The following KIF6 variants were observed in gnomAD, a reference collection of about 807,000 sequenced individuals.
KIF6 encodes kinesin family member 6, also known as kinesin-like protein KIF6.
Under a neutral mutation model 112.7 loss-of-function variants are expected in KIF6, and 106 were observed. The observed-to-expected ratio is 0.94, with a 90% CI of 0.80 to 1.11. KIF6 has a LOEUF of 1.11. Among genes scored for constraint, KIF6 ranks in the 50% least tolerant of loss-of-function variants. The probability of loss-of-function intolerance (pLI) is 0.00; values close to 1 mark genes in which losing one functional copy is unlikely to be tolerated. For missense variants in KIF6, 929 were observed against 964.0 expected, an observed-to-expected ratio of 0.96 and a Z score of 0.48; for synonymous variants, 339 against 339.9, an observed-to-expected ratio of 1.00 and a Z score of 0.03.
At chr6:39,466,773 T>C (rs1042779897) in intron 13 of KIF6, among the ~76,000 whole-genome samples, 1 of 152,140 alleles carries the variant, frequency 6.6e-6, no homozygotes, top group Non-Finnish European at 1.5e-5. Flanking sequence ...AAATGAGAGA[T>C]CTGGGGCTTC....
At chr6:39,598,143 T>C (rs1400882663) in intron 6 of KIF6, among the ~76,000 whole-genome samples, 1 of 152,108 alleles carries the variant, frequency 6.6e-6, no homozygotes, top group East Asian at 1.9e-4. Context: ...GCCAAGATAA[T>C]GCCACTGCAT....
Position 39,714,694 on chromosome 6 carries a change from C to G in KIF6, c.249G>C (p.Gly83=). ...VFENIAKPVA[G]SVLAGYNGTI... is the part of the protein sequence containing the mutation. ...GAACAAAATATGGGAAATCCTACCT[C>G]CCAGCAACTGGTTTGGCAATGTTTT... The change falls in exon 3 of 23, where the codon GGG becomes GGC. Residue 83 remains glycine (G), a splice_region_variant and synonymous_variant. Coordinates refer to ENST00000287152, the MANE Select transcript of KIF6 (RefSeq NM_145027.6). The G allele has an allele frequency of 6.2e-7, 1 of 1,612,884 alleles. No homozygotes were observed. Among genetic ancestry groups the G allele is most frequent in the South Asian group, 1.1e-5 (1 of 90,970 alleles).
At chr6:39,623,609 A>G (rs1410918570) in intron 5 of KIF6, among the ~76,000 whole-genome samples, 1 of 152,204 alleles carries the variant, frequency 6.6e-6, no homozygotes, top group Non-Finnish European at 1.5e-5. Flanking sequence ...GGTAAATACT[A>G]ATAGATAATA....
chr6:39,630,057 T>C (rs1224877167), intron 5 of KIF6, among the ~76,000 whole-genome samples: 1 of 152,084 alleles, frequency 6.6e-6, no homozygotes, highest in Admixed American at 6.6e-5. Context: ...GTCAGTTCTC[T>C]TGCCATTACC....
At chr6:39,414,125 GAATAT>G (rs1443314060) in intron 15 of KIF6, among the ~76,000 whole-genome samples, 1 of 152,106 alleles carries the variant, frequency 6.6e-6, no homozygotes, top group African/African-American at 2.4e-5. Context: ...TTACTTTTGA[GAATAT>G]AATATTTTTT....
At position 39,337,825 on chromosome 6, in the gene KIF6, T is replaced by A. The variant is rs1763115034; in HGVS notation, c.2429-1277A>T. Among the ~76,000 whole-genome samples, 6 of 152,312 alleles carry A rather than the reference T, an allele frequency of 3.9e-5. 1 individual carries two copies. The highest frequency in any genetic ancestry group is 3.9e-4 in the Admixed American group (6 of 15,312). On this transcript the variant is annotated intron_variant, in intron 22 of 22. Coordinates refer to ENST00000287152, the MANE Select transcript of KIF6 (RefSeq NM_145027.6). Reference sequence around the variant, plus strand: ...CAGTCCCCAACCCACGGTGTGACTTTGGGCAAGTCATGTCAGTTCTCTGGG... The same window carrying A: ...CAGTCCCCAACCCACGGTGTGACTTAGGGCAAGTCATGTCAGTTCTCTGGG...
chr6:39,698,994 C>A (rs764829419), intron 3 of KIF6, among the ~76,000 whole-genome samples: 26 of 152,176 alleles, frequency 1.7e-4, no homozygotes, highest in Non-Finnish European at 3.8e-4. Flanking sequence ...TTTTGGCTTG[C>A]GTAGCAGCTG....
At chr6:39,517,274 C>T (rs1167194090) in intron 13 of KIF6, among the ~76,000 whole-genome samples, 1 of 152,136 alleles carries the variant, frequency 6.6e-6, no homozygotes, top group East Asian at 1.9e-4. Context: ...GGGCAGAGCA[C>T]CCCCAGCTCC....
At chr6:39,424,265 A>G (rs1426556364) in intron 14 of KIF6, among the ~76,000 whole-genome samples, 1 of 152,198 alleles carries the variant, frequency 6.6e-6, no homozygotes, top group Non-Finnish European at 1.5e-5. Context: ...TCCTCTGGAT[A>G]GCATTCCAGG....
rs543397658 is a variant in KIF6, at chr6:39,665,320, T to C, written c.252-25563A>G. On this transcript the variant is annotated intron_variant, in intron 3 of 22. Coordinates refer to ENST00000287152, the MANE Select transcript of KIF6 (RefSeq NM_145027.6). ...GGAAGTTACAATGTTTTTGCATACA[T>C]GCACAATGCTTACACACAAAGTCAA... Among the ~76,000 whole-genome samples the C allele has an allele frequency of 2.6e-5, 4 of 152,310 alleles. No homozygotes were observed. The East Asian group carries it at 7.7e-4, about 29-fold the overall frequency.
intron 13 of KIF6, among the ~76,000 whole-genome samples, chr6:39,537,510 G>A (rs1357524349): frequency 1.3e-5 from 2 of 151,568 alleles, no homozygotes; most frequent in Non-Finnish European, 2.9e-5. Flanking sequence ...AACTTACAAG[G>A]GATGTGAAGG....
intron 5 of KIF6, among the ~76,000 whole-genome samples, chr6:39,621,505 G>C (rs1470953269): frequency 6.6e-6 from 1 of 152,150 alleles, no homozygotes; most frequent in Non-Finnish European, 1.5e-5. Flanking sequence ...TCTATAAACT[G>C]AGGACAATAT....
chr6:39,684,479 G>A (rs1322232930), intron 3 of KIF6, among the ~76,000 whole-genome samples: 1 of 152,108 alleles, frequency 6.6e-6, no homozygotes, highest in Admixed American at 6.5e-5. Flanking sequence ...GCTGGGCATG[G>A]TGACACAAGC....
Position 39,557,207 on chromosome 6 carries a change from TAA to T in KIF6, c.1182-11521_1182-11520del, listed in dbSNP as rs1450420420. On this transcript the variant is annotated intron_variant, in intron 10 of 22. Coordinates refer to ENST00000287152, the MANE Select transcript of KIF6 (RefSeq NM_145027.6). The stretch of plus-strand genomic sequence containing the variant: ...TCCTTGTGGGTGTGTTTCCATTTGA[TAA>T]AAAATAATGTATTTTATCCTTTCAT... Among the ~76,000 whole-genome samples, 126 of 152,236 alleles carry T rather than the reference TAA, an allele frequency of 8.3e-4. No individual in the cohort carries two copies. In the Middle Eastern group the frequency reaches 0.014, roughly 17 times the overall value.
chr6:39,575,432 G>C (rs1022230202), intron 10 of KIF6, among the ~76,000 whole-genome samples: 1 of 151,826 alleles, frequency 6.6e-6, no homozygotes, highest in Non-Finnish European at 1.5e-5. Flanking sequence ...CACCACACCC[G>C]GCTAATTTTT....
chr6:39,346,823 A>AT (rs1350561599), intron 19 of KIF6, among the ~76,000 whole-genome samples: 1 of 151,974 alleles, frequency 6.6e-6, no homozygotes, highest in Non-Finnish European at 1.5e-5. Flanking sequence ...AATTTTTTGT[A>AT]TTTTTAGTAG....
chr6:39,438,710 T>C lies in KIF6; in HGVS notation c.1646-7549A>G, dbSNP rs573632188. On this transcript the variant is annotated intron_variant, in intron 13 of 22. Transcript: ENST00000287152. ...CTAAGGTTAATTTATTATTGAAATATTAGTAAAAATGAATTTAGTGTAGCT... is the reference window on the plus strand; with the variant it reads ...CTAAGGTTAATTTATTATTGAAATACTAGTAAAAATGAATTTAGTGTAGCT... Among the ~76,000 whole-genome samples, 117 of 152,314 alleles carry C rather than the reference T, an allele frequency of 7.7e-4. 2 individuals are homozygous for C. The highest frequency in any genetic ancestry group is 3.4e-4 in the Non-Finnish European group (23 of 68,016).
chr6:39,560,269 G>A (rs936392832), intron 10 of KIF6, among the ~76,000 whole-genome samples: 11 of 152,196 alleles, frequency 7.2e-5, no homozygotes, highest in African/African-American at 2.7e-4. Context: ...ATTGCCCACA[G>A]CATCTAAATG....
At chr6:39,337,215 C>CTTTCTT (rs1763057594) in intron 22 of KIF6, among the ~76,000 whole-genome samples, 1 of 94,950 alleles carries the variant, frequency 1.1e-5, no homozygotes, top group African/African-American at 8.3e-5. Flanking sequence ...TTCTTTCTTT[C>CTTTCTT]TTTCTTTCTT....
Sources: allele counts gnomAD v4.1 joint callset (sites outside exome capture counted in the v4.1 genomes callset), GRCh38; gene constraint gnomAD v4.1.1; transcripts MANE v1.5; gene names NCBI Gene and HGNC (gene_info 2026-07-23, HGNC 2026-07-21).